The following GOLT1B variants were observed in gnomAD, a reference collection of about 807,000 sequenced individuals.
The protein encoded by GOLT1B is vesicle transport protein GOT1B.
Under a neutral mutation model 15.4 loss-of-function variants are expected in GOLT1B, and 3 were observed. The observed-to-expected ratio is 0.19, with a 90% CI of 0.09 to 0.50. GOLT1B has a LOEUF of 0.50. GOLT1B is among the 20% of genes least tolerant of loss of function. The probability of loss-of-function intolerance (pLI) is 0.97; values close to 1 mark genes in which losing one functional copy is unlikely to be tolerated. For missense variants in GOLT1B, 145 were observed against 160.4 expected, an observed-to-expected ratio of 0.90 and a Z score of 0.52; for synonymous variants, 65 against 56.2, an observed-to-expected ratio of 1.16 and a Z score of -0.70.
rs1943695622 is a variant in GOLT1B at position 21,508,555 on chromosome 12, T to C, written c.290T>C (p.Leu97Ser). The C allele has an allele frequency of 2.0e-6, 3 of 1,528,754 alleles. No homozygotes were observed. The highest frequency in any genetic ancestry group is 2.7e-6 in the Non-Finnish European group (3 of 1,104,950). The allele number at this position is 1,528,754 out of a possible 1,614,324, so 94.7% of individuals were successfully genotyped here. Residue 97 changes from leucine to serine, a missense_variant, in exon 3 of 5, where the codon TTG becomes TCG. Physicochemically the swap from Leu to Ser is moderately radical, Grantham distance 145. Transcript: ENST00000229314. ...TTCGAAATTTATGGATTTTTTCTCT[T>C]GTTCAGGTAAGGCATATTATTGTCT... ...MIFEIYGFFL[L>S]FRGFFPVVVG...
In GOLT1B at chr12:21,509,529, A is replaced by G. The variant is rs1471005533; in HGVS notation, c.296+968A>G. 3.3e-5 allele frequency among the ~76,000 whole-genome samples: 5 copies of G among 152,288 alleles called. No homozygotes were observed. The East Asian group carries it at 9.6e-4, about 29-fold the overall frequency. ...AGGCACTGTATTACCCACAGGAGAC[A>G]TAAAAATAAATTAAGTACCAAATCT... On this transcript the variant is annotated intron_variant, in intron 3 of 4. Transcript: ENST00000229314.
intron 2 of GOLT1B, 194 bp from the exon 3 acceptor site, chr12:21,508,189 T>A: frequency 1.8e-6 from 1 of 561,722 alleles, no homozygotes. Context: ...GGAACAAAGC[T>A]ACAACTTTAA....
intron 2 of GOLT1B, chr12:21,507,925 A>G (rs751778212): frequency 2.9e-5 from 13 of 454,190 alleles, no homozygotes; most frequent in Non-Finnish European, 5.3e-5. Context: ...AGCCATGTCA[A>G]TATTTCTCCC....
rs1057234156 is a variant in GOLT1B at position 21,516,824 on chromosome 12, G to T, written c.*1117G>T. ...TATCCTTCATATGATCACTCATCTTGAGTTAATTAGAAAATACCTGAGTTC... is the reference window on the plus strand; with the variant it reads ...TATCCTTCATATGATCACTCATCTTTAGTTAATTAGAAAATACCTGAGTTC... On this transcript the variant is annotated 3_prime_UTR_variant, in exon 5 of 5. Transcript: ENST00000229314. The T allele has an allele frequency of 1.3e-5, 2 of 151,926 alleles. No individual in the cohort carries two copies. The highest frequency in any genetic ancestry group is 6.6e-5 in the Admixed American group (1 of 15,244). 9.4% of individuals were successfully genotyped at this position (151,926 alleles called of 1,614,324 possible).
chr12:21,507,301 T>C, intron 2 of GOLT1B: 1 of 239,182 alleles, frequency 4.2e-6, no homozygotes, highest in East Asian at 1.2e-4. Context: ...CACTAAAGTA[T>C]TTTTACTTTA....
rs753320596 is a variant in GOLT1B, at chr12:21,512,328, AAG to A, written c.333_334del (p.Arg111SerfsTer14). 1.3e-6 allele frequency: 2 copies of A among 1,582,288 alleles called. No individual in the cohort carries two copies. The highest frequency in any genetic ancestry group is 3.3e-5 in the Admixed American group (2 of 59,842). ...FFPVVVGFIR[R>X]VPVLGSLLNL... is the part of the protein sequence containing the mutation. The stretch of plus-strand genomic sequence containing the variant: ...TTCCTGTCGTTGTTGGCTTTATTAG[AAG>A]AGTGCCAGTCCTTGGATCCCTCCTA... On this transcript the variant is annotated frameshift_variant, in exon 4 of 5. Coordinates refer to ENST00000229314, the MANE Select transcript of GOLT1B (RefSeq NM_016072.5). LOFTEE classifies it high-confidence loss of function.
At chr12:21,515,333 A>C in intron 4 of GOLT1B, 1 of 785,786 alleles carries the variant, frequency 1.3e-6, no homozygotes, top group Non-Finnish European at 2.0e-6. Flanking sequence ...AGTTTTTTTT[A>C]TGTTTTTATT....
intron 1 of GOLT1B, among the ~76,000 whole-genome samples, chr12:21,505,582 A>G (rs1943672992): frequency 6.6e-6 from 1 of 152,308 alleles, no homozygotes; most frequent in Middle Eastern, 3.4e-3. Flanking sequence ...GACACTAGTT[A>G]TCAGGAAATT....
chr12:21,516,670 GTTTAC>G lies in GOLT1B; in HGVS notation c.*968_*972del, dbSNP rs1261001906. 1.3e-5 allele frequency: 2 copies of G among 151,678 alleles called. No homozygotes were observed. The highest frequency in any genetic ancestry group is 4.8e-5 in the African/African-American group (2 of 41,304). 9.4% of individuals were successfully genotyped at this position (151,678 alleles called of 1,614,324 possible). A position where few individuals can be genotyped will look rare whatever the true frequency, so the allele number is the denominator to read the frequency against. The stretch of plus-strand genomic sequence containing the variant: ...ATAAATTAAAATAACTTTTGATAAT[GTTTAC>G]TTTAAGACATGTAACATGTTAAAAG... On this transcript the variant is annotated 3_prime_UTR_variant, in exon 5 of 5. Transcript: ENST00000229314.
rs1943751583 is a variant in GOLT1B, at chr12:21,515,774, A to G, written c.*67A>G. 3 of 764,888 alleles carry G rather than the reference A, an allele frequency of 3.9e-6. No homozygotes were observed. In the South Asian group the frequency reaches 4.8e-5, roughly 12 times the overall value. 47.4% of individuals were successfully genotyped at this position (764,888 alleles called of 1,614,324 possible). A position where few individuals can be genotyped will look rare whatever the true frequency, so the allele number is the denominator to read the frequency against. Reference sequence around the variant, plus strand: ...TTATAAAGTCATTTGAAGAATATTCAGCACAAAATTAAATTACATGAAATA... The same window carrying G: ...TTATAAAGTCATTTGAAGAATATTCGGCACAAAATTAAATTACATGAAATA... On this transcript the variant is annotated 3_prime_UTR_variant, in exon 5 of 5. Coordinates refer to ENST00000229314, the MANE Select transcript of GOLT1B (RefSeq NM_016072.5).
intron 3 of GOLT1B, among the ~76,000 whole-genome samples, chr12:21,512,045 CTCATAG>C (rs1259655070): frequency 1.3e-5 from 2 of 152,176 alleles, no homozygotes; most frequent in Non-Finnish European, 2.9e-5. Context: ...CCCCACACAA[CTCATAG>C]TTGGAGAAAT....
chr12:21,508,004 T>C (rs1308098999), intron 2 of GOLT1B: 1 of 449,164 alleles, frequency 2.2e-6, no homozygotes, highest in African/African-American at 2.0e-5. Flanking sequence ...GGGTGACATA[T>C]TTATGGGCAG....
intron 2 of GOLT1B, chr12:21,508,119 A>T: frequency 2.3e-6 from 1 of 428,368 alleles, no homozygotes; most frequent in South Asian, 2.3e-5. Flanking sequence ...GGTAACGTCT[A>T]ATCTTTCTTT....
Position 21,512,283 on chromosome 12 carries a change from T to TC in GOLT1B, c.297-9dup. ...GTGTAAATATTAAGAACCTTTTTTT[T>TC]CCCTCTCCCAGGGGCTTCTTTCCTG... On this transcript the variant is annotated splice_polypyrimidine_tract_variant and intron_variant, in intron 3 of 4. Transcript: ENST00000229314. 1 of 1,388,322 alleles carries TC rather than the reference T, an allele frequency of 7.2e-7. No homozygotes were observed. The highest frequency in any genetic ancestry group is 1.0e-6 in the Non-Finnish European group (1 of 984,638). 86.0% of individuals were successfully genotyped at this position (1,388,322 alleles called of 1,614,324 possible).
At chr12:21,512,421 A>G in intron 4 of GOLT1B, 45 bp downstream of exon 4, 1 of 898,084 alleles carries the variant, frequency 1.1e-6, no homozygotes. Flanking sequence ...ACGTATTTTG[A>G]TGCTTTTTAC....
intron 3 of GOLT1B, among the ~76,000 whole-genome samples, chr12:21,508,883 A>C (rs1943698551): frequency 8.9e-6 from 1 of 112,902 alleles, no homozygotes; most frequent in Non-Finnish European, 2.0e-5. Context: ...ATCGGTAGGT[A>C]GGTAGGTAGA....
intron 3 of GOLT1B, among the ~76,000 whole-genome samples, chr12:21,508,898 T>TAGAC (rs1943699143): frequency 8.5e-6 from 1 of 117,366 alleles, no homozygotes; most frequent in East Asian, 3.6e-4. Context: ...GGTAGATAGA[T>TAGAC]AGATAGATAG....
At position 21,515,654 on chromosome 12, in the gene GOLT1B, T is replaced by G. The variant is rs989082451; in HGVS notation, c.379-15T>G. On this transcript the variant is annotated splice_polypyrimidine_tract_variant and intron_variant, in intron 4 of 4. Coordinates refer to ENST00000229314, the MANE Select transcript of GOLT1B (RefSeq NM_016072.5). ...CCGGGCTTTCTTTAATTCTCTGTTT[T>G]TCTTCTCCTTACAGTTTGTAGATAA... The G allele has an allele frequency of 1.2e-5, 15 of 1,299,116 alleles. No homozygotes were observed. In the Admixed American group the frequency reaches 2.6e-4, roughly 22 times the overall value. The allele number at this position is 1,299,116 out of a possible 1,614,324, so 80.5% of individuals were successfully genotyped here.
intron 1 of GOLT1B, among the ~76,000 whole-genome samples, chr12:21,505,977 A>T (rs1311712487): frequency 6.6e-6 from 1 of 152,128 alleles, no homozygotes; most frequent in Admixed American, 6.5e-5. Context: ...TAAGACCTAG[A>T]GAATGCACAG....
Sources: allele counts gnomAD v4.1 joint callset (sites outside exome capture counted in the v4.1 genomes callset), GRCh38; gene constraint gnomAD v4.1.1; transcripts MANE v1.5; gene names NCBI Gene and HGNC (gene_info 2026-07-23, HGNC 2026-07-21).